Variants in SLC39A11 observed in about 807,000 individuals in gnomAD.
The protein encoded by SLC39A11 is solute carrier family 39 member 11.
SLC39A11 carries 33 observed loss-of-function variants against 36.1 expected under a neutral mutation model. The observed-to-expected ratio is 0.91, with a 90% CI of 0.69 to 1.22. The LOEUF (loss-of-function observed/expected upper bound fraction) is 1.22. Among genes scored for constraint, SLC39A11 ranks in the 50% most tolerant of loss-of-function variants. The probability of loss-of-function intolerance (pLI) is 0.00; values close to 1 mark genes in which losing one functional copy is unlikely to be tolerated. For missense variants in SLC39A11, 432 were observed against 430.3 expected (o/e 1.00, Z -0.03); for synonymous variants, 166 against 170.3 (o/e 0.97, Z 0.20).
chr17:72,875,127 C>T (rs1013983536), intron 5 of SLC39A11, among the ~76,000 whole-genome samples: 7 of 151,994 alleles, frequency 4.6e-5, no homozygotes, highest in African/African-American at 1.7e-4. Context: ...AAAACTGGTG[C>T]AATTAGATGC....
At chr17:72,840,631 T>C (rs1354523856) in intron 6 of SLC39A11, among the ~76,000 whole-genome samples, 13 of 151,966 alleles carry the variant, frequency 8.6e-5, no homozygotes, top group Middle Eastern at 3.4e-3. Flanking sequence ...TGGTGGTGGG[T>C]GCCTGTAATC....
In SLC39A11 at chr17:72,964,806, T is replaced by C. The variant is rs568191278; in HGVS notation, c.307-16931A>G. On this transcript the variant is annotated intron_variant, in intron 4 of 9. Transcript: ENST00000255559. ...TGCTATAAAGACACATGCACACGTATGTTTATTGCGGCACTATGCACAATA... is the reference window on the plus strand; with the variant it reads ...TGCTATAAAGACACATGCACACGTACGTTTATTGCGGCACTATGCACAATA... 4.6e-5 allele frequency among the ~76,000 whole-genome samples: 7 copies of C among 152,330 alleles called. No homozygotes were observed. In the East Asian group the frequency reaches 9.6e-4, roughly 21 times the overall value.
chr17:72,916,326 A>C (rs17780814), intron 5 of SLC39A11, among the ~76,000 whole-genome samples: 21,909 of 151,832 alleles, frequency 0.14, 1,933 homozygotes, highest in Non-Finnish European at 0.2. Flanking sequence ...CATAAATGAA[A>C]CCATACAGCC....
intron 6 of SLC39A11, among the ~76,000 whole-genome samples, chr17:72,814,069 G>A (rs186270093): frequency 6.6e-5 from 10 of 152,224 alleles, no homozygotes; most frequent in Admixed American, 2.0e-4. Flanking sequence ...AGAACAACAC[G>A]GCATGTCTAA....
At chr17:72,713,660 A>C (rs558504526) in intron 7 of SLC39A11, among the ~76,000 whole-genome samples, 2 of 152,278 alleles carry the variant, frequency 1.3e-5, no homozygotes, top group African/African-American at 4.8e-5. Flanking sequence ...AGCCATTCTC[A>C]ACCCCTATAT....
In SLC39A11 at chr17:72,898,313, C is replaced by T. The variant is rs568460416; in HGVS notation, c.431-48509G>A. Among the ~76,000 whole-genome samples, 4 of 152,306 alleles carry T rather than the reference C, an allele frequency of 2.6e-5. No homozygotes were observed. In the East Asian group the frequency reaches 7.7e-4, roughly 29 times the overall value. On this transcript the variant is annotated intron_variant, in intron 5 of 9. Transcript: ENST00000255559. ...CTGGAGCATCCGAGTTCATGAGCAACACAGAGAATTGATCAGGACGCTTCA... is the reference window on the plus strand; with the variant it reads ...CTGGAGCATCCGAGTTCATGAGCAATACAGAGAATTGATCAGGACGCTTCA...
At chr17:72,713,972 C>T (rs535906931) in intron 7 of SLC39A11, among the ~76,000 whole-genome samples, 29 of 152,272 alleles carry the variant, frequency 1.9e-4, no homozygotes, top group African/African-American at 5.1e-4. Context: ...TAAATAATAA[C>T]GTCAGGGACC....
intron 6 of SLC39A11, among the ~76,000 whole-genome samples, chr17:72,782,687 C>CAAA (rs72447211): frequency 1.6e-5 from 1 of 62,478 alleles, no homozygotes; most frequent in African/African-American, 5.7e-5. Flanking sequence ...GACCCCATCT[C>CAAA]AAAAAAAAAA....
intron 5 of SLC39A11, among the ~76,000 whole-genome samples, chr17:72,882,425 A>G (rs2081241777): frequency 1.3e-5 from 2 of 151,934 alleles, no homozygotes; most frequent in African/African-American, 2.4e-5. Context: ...CGCATGCACA[A>G]TCCAAGACAC....
intron 6 of SLC39A11, among the ~76,000 whole-genome samples, chr17:72,770,642 G>A (rs1008821018): frequency 1.2e-4 from 19 of 152,264 alleles, no homozygotes; most frequent in South Asian, 6.2e-4. Context: ...ATCTCATGCA[G>A]GTCTAATCCC....
intron 6 of SLC39A11, among the ~76,000 whole-genome samples, chr17:72,773,677 A>C (rs561776532): frequency 4.1e-4 from 61 of 148,620 alleles, no homozygotes; most frequent in Admixed American, 1.8e-3. Flanking sequence ...ACACACACAC[A>C]CCCAGTATAT....
intron 6 of SLC39A11, among the ~76,000 whole-genome samples, chr17:72,813,931 C>G (rs1391678836): frequency 2.0e-5 from 3 of 152,200 alleles, no homozygotes; most frequent in Non-Finnish European, 4.4e-5. Flanking sequence ...GCGCTACTCA[C>G]TGATGGGTTA....
At chr17:72,735,645 C>T (rs2074395828) in intron 7 of SLC39A11, among the ~76,000 whole-genome samples, 1 of 152,164 alleles carries the variant, frequency 6.6e-6, no homozygotes, top group Non-Finnish European at 1.5e-5. Flanking sequence ...TCATGGTTCC[C>T]AGCTGTCTTC....
At chr17:72,888,165 G>T (rs149063540) in intron 5 of SLC39A11, among the ~76,000 whole-genome samples, 1 of 152,338 alleles carries the variant, frequency 6.6e-6, no homozygotes, top group East Asian at 1.9e-4. Context: ...AACATACTGT[G>T]CATGAGGTGG....
intron 4 of SLC39A11, among the ~76,000 whole-genome samples, chr17:72,966,379 C>A (rs1409324300): frequency 1.3e-5 from 2 of 152,080 alleles, no homozygotes; most frequent in Admixed American, 6.6e-5. Flanking sequence ...TACCGCCCCC[C>A]ACAGAGGGAG....
At chr17:72,823,234 C>T (rs1433520156) in intron 6 of SLC39A11, among the ~76,000 whole-genome samples, 1 of 151,170 alleles carries the variant, frequency 6.6e-6, no homozygotes, top group Non-Finnish European at 1.5e-5. Flanking sequence ...TCTAGGTCAC[C>T]CAACTTTGAC....
At chr17:72,865,392 C>G (rs553180369) in intron 5 of SLC39A11, among the ~76,000 whole-genome samples, 3 of 134,100 alleles carry the variant, frequency 2.2e-5, no homozygotes, top group Non-Finnish European at 4.7e-5. Context: ...TATGTGGTCT[C>G]TGAAGAAAAA....
chr17:72,695,060 T>C (rs2072226523), intron 7 of SLC39A11, among the ~76,000 whole-genome samples: 2 of 152,164 alleles, frequency 1.3e-5, no homozygotes, highest in South Asian at 4.1e-4. Context: ...TGCAGTTCCT[T>C]GGTTCTCTTT....
chr17:73,006,133 C>T (rs2090166409), intron 4 of SLC39A11, among the ~76,000 whole-genome samples: 1 of 152,072 alleles, frequency 6.6e-6, no homozygotes, highest in African/African-American at 2.4e-5. Flanking sequence ...CTCAGACAGC[C>T]AATGTTCCAA....
Sources: gnomAD v4.1 joint callset for allele counts (sites outside exome capture counted in the v4.1 genomes callset) on GRCh38, gnomAD v4.1.1 for gene constraint, MANE v1.5 for transcripts, NCBI Gene and HGNC (gene_info 2026-07-23, HGNC 2026-07-21) for gene names.